The following N4BP2L1 variants were observed in gnomAD, a reference collection of about 807,000 sequenced individuals.
N4BP2L1 encodes NEDD4 binding protein 2 like 1, also known as NEDD4-binding protein 2-like 1.
Under a neutral mutation model 21.2 loss-of-function variants are expected in N4BP2L1, and 12 were observed. The ratio of observed to expected loss-of-function variants is 0.57; its 90% CI spans 0.36 to 0.92. The LOEUF (loss-of-function observed/expected upper bound fraction) is 0.92. Ranked by LOEUF, N4BP2L1 falls within the 40% of genes least tolerant of loss-of-function variation. The probability of loss-of-function intolerance (pLI) is 0.01; values close to 1 mark genes in which losing one functional copy is unlikely to be tolerated. For synonymous variants in N4BP2L1, 104 were observed against 112.8 expected (o/e 0.92, Z 0.49); for missense variants, 259 against 310.6 (o/e 0.83, Z 1.25).
In N4BP2L1 at chr13:32,402,868, A is replaced by C. The variant is rs1278971668; in HGVS notation, c.*74T>G. 6.0e-6 allele frequency: 9 copies of C among 1,505,884 alleles called. No homozygotes were observed. The highest frequency in any genetic ancestry group is 8.0e-6 in the Non-Finnish European group (9 of 1,127,066). The allele number at this position is 1,505,884 out of a possible 1,614,324, so 93.3% of individuals were successfully genotyped here. On this transcript the variant is annotated 3_prime_UTR_variant, in exon 5 of 5. Coordinates refer to ENST00000380130, the MANE Select transcript of N4BP2L1 (RefSeq NM_052818.3). ...ACACTGGAATTGGAGCTCTGACTAA[A>C]ATGCAACAAAAAATAACAAAAACTG...
At chr13:32,421,518 A>T (rs1023779634) in intron 1 of N4BP2L1, among the ~76,000 whole-genome samples, 6 of 152,150 alleles carry the variant, frequency 3.9e-5, no homozygotes, top group Non-Finnish European at 1.5e-5. Flanking sequence ...GTATTATGAA[A>T]TCCCCTGAGT....
At chr13:32,415,873 C>T (rs1003532968) in intron 1 of N4BP2L1, 2 of 152,170 alleles carry the variant, frequency 1.3e-5, no homozygotes, top group African/African-American at 2.4e-5. Context: ...AAACCTTTAC[C>T]GTGCTTCTCT....
chr13:32,422,963 T>C (rs958486319), intron 1 of N4BP2L1, among the ~76,000 whole-genome samples: 2 of 150,716 alleles, frequency 1.3e-5, no homozygotes, highest in African/African-American at 4.9e-5. Flanking sequence ...TGAGCTTGCT[T>C]TTATTAATGA....
intron 2 of N4BP2L1, 131 bp downstream of exon 2, chr13:32,407,514 G>A: frequency 1.3e-6 from 2 of 1,589,004 alleles, no homozygotes; most frequent in Non-Finnish European, 1.7e-6. Flanking sequence ...TTATGCTCTG[G>A]TGTTCTGTTT....
At chr13:32,429,106 T>C (rs1316654425), upstream of N4BP2L1, among the ~76,000 whole-genome samples, 1 of 152,286 alleles carries the variant, frequency 6.6e-6, no homozygotes, top group African/African-American at 2.4e-5. Flanking sequence ...TAATAAATTC[T>C]ATTTCTGGCA....
At chr13:32,405,671 G>A (rs1417621582) in intron 3 of N4BP2L1, among the ~76,000 whole-genome samples, 1 of 152,104 alleles carries the variant, frequency 6.6e-6, no homozygotes, top group Non-Finnish European at 1.5e-5. Flanking sequence ...CAAGTTTGGG[G>A]CTCATTCTTC....
intron 1 of N4BP2L1, among the ~76,000 whole-genome samples, chr13:32,414,880 G>A (rs916771461): frequency 2.6e-5 from 4 of 152,170 alleles, no homozygotes; most frequent in Admixed American, 2.0e-4. Context: ...GACTCTGTGA[G>A]CTCTTGCAGA....
At chr13:32,422,629 C>T (rs748548163) in intron 1 of N4BP2L1, among the ~76,000 whole-genome samples, 5 of 152,174 alleles carry the variant, frequency 3.3e-5, no homozygotes, top group Non-Finnish European at 7.3e-5. Flanking sequence ...TGGTGAATCT[C>T]CTGTATAGCT....
At chr13:32,428,737 A>C (rs564391454), upstream of N4BP2L1, among the ~76,000 whole-genome samples, 7 of 152,312 alleles carry the variant, frequency 4.6e-5, no homozygotes, top group African/African-American at 1.7e-4. Context: ...TAAAACTCAG[A>C]TTGATTTATG....
chr13:32,416,012 T>C (rs1363814308), intron 1 of N4BP2L1: 1 of 152,226 alleles, frequency 6.6e-6, no homozygotes, highest in East Asian at 1.9e-4. Context: ...CACTGATGAT[T>C]CCCAAGTACC....
chr13:32,415,381 A>G (rs2074078785), intron 1 of N4BP2L1, among the ~76,000 whole-genome samples: 2 of 152,228 alleles, frequency 1.3e-5, no homozygotes, highest in Admixed American at 1.3e-4. Flanking sequence ...TCCAGGATAT[A>G]TCTAGATATT....
At position 32,403,200 on chromosome 13, in the gene N4BP2L1, T is replaced by G. The variant is rs770608287; in HGVS notation, c.474A>C (p.Arg158Ser). ...RWKFNVQELA[R>S]RNIHGVSREK... ...CTCTTGAGACACCATGAATGTTTCT[T>G]CTACATGGAAAAAAAATGCATTTAG... The change falls in exon 5 of 5, where the codon AGA (arginine) becomes AGC (serine). Residue 158 changes from arginine to serine, a missense_variant and splice_region_variant. By Grantham distance (110) the Arg-to-Ser change is moderately radical (BLOSUM62 -1). Coordinates refer to ENST00000380130, the MANE Select transcript of N4BP2L1 (RefSeq NM_052818.3). The G allele has an allele frequency of 1.9e-6, 3 of 1,586,026 alleles. No individual in the cohort carries two copies. The East Asian group carries it at 6.7e-5, about 36-fold the overall frequency.
Position 32,419,412 on chromosome 13 carries a change from A to ATTTTTT in N4BP2L1, c.179+8486_179+8491dup, listed in dbSNP as rs71071039. On this transcript the variant is annotated intron_variant, in intron 1 of 4. Coordinates refer to ENST00000380130, the MANE Select transcript of N4BP2L1 (RefSeq NM_052818.3). ...GGGTGCTTGCCACCATGCTTGGCTA[A>ATTTTTT]TTTTTTTTTTTTTTTTTTTTTTTTT... The ATTTTTT allele has an allele frequency of 2.9e-3, 832 of 284,628 alleles. 10 individuals are homozygous for ATTTTTT. The highest frequency in any genetic ancestry group is 5.8e-3 in the Middle Eastern group (4 of 692). The allele number at this position is 284,628 out of a possible 1,614,324, so 17.6% of individuals were successfully genotyped here.
chr13:32,412,305 C>T (rs1373707503), intron 1 of N4BP2L1, among the ~76,000 whole-genome samples: 2 of 152,074 alleles, frequency 1.3e-5, no homozygotes, highest in East Asian at 3.9e-4. Context: ...TATGTCTCTC[C>T]TATATATATT....
At chr13:32,406,876 G>A (rs1281365888) in intron 3 of N4BP2L1, 2 of 220,810 alleles carry the variant, frequency 9.1e-6, no homozygotes, top group Non-Finnish European at 1.8e-5. Flanking sequence ...CCGTCCTGTT[G>A]TGACCTGTAG....
At chr13:32,416,729 G>C (rs1739220879) in intron 1 of N4BP2L1, 1 of 152,168 alleles carries the variant, frequency 6.6e-6, no homozygotes. Context: ...GCACATGGGA[G>C]ATGCTCAGTA....
upstream of N4BP2L1, among the ~76,000 whole-genome samples, chr13:32,428,502 A>C (rs905449279): frequency 6.6e-6 from 1 of 152,242 alleles, no homozygotes; most frequent in African/African-American, 2.4e-5. Context: ...TTAGCTGATG[A>C]TTAATGAGCT....
chr13:32,407,410 G>C, intron 2 of N4BP2L1, 72 bp from the exon 3 acceptor site: 1 of 1,610,234 alleles, frequency 6.2e-7, no homozygotes, highest in Non-Finnish European at 8.5e-7. Context: ...ATCTCTATTC[G>C]TCATTTTTAT....
At chr13:32,419,810 T>G (rs2074375820) in intron 1 of N4BP2L1, among the ~76,000 whole-genome samples, 1 of 152,240 alleles carries the variant, frequency 6.6e-6, no homozygotes, top group African/African-American at 2.4e-5. Flanking sequence ...TAAAGGAGAC[T>G]GACGGAGAGG....
Sources: gnomAD v4.1 joint callset for allele counts (sites outside exome capture counted in the v4.1 genomes callset) on GRCh38, gnomAD v4.1.1 for gene constraint, MANE v1.5 for transcripts, NCBI Gene and HGNC (gene_info 2026-07-23, HGNC 2026-07-21) for gene names.